Variants in ZNF385D observed in about 807,000 individuals in gnomAD.
ZNF385D encodes the protein zinc finger protein 385D, also known as zinc finger protein 659.
A neutral mutation model predicts 35.8 loss-of-function variants in ZNF385D; 15 were observed. The observed-to-expected ratio is 0.42, with a 90% CI of 0.28 to 0.64. ZNF385D has a LOEUF of 0.64. Ranked by LOEUF, ZNF385D falls within the 30% of genes least tolerant of loss-of-function variation. The probability of loss-of-function intolerance (pLI) is 0.23; values close to 1 mark genes in which losing one functional copy is unlikely to be tolerated. For synonymous variants in ZNF385D, 212 were observed against 186.8 expected (o/e 1.13, Z -1.10); for missense variants, 474 against 494.6 (o/e 0.96, Z 0.39).
chr3:21,551,921 A>G (rs1020643916), intron 3 of ZNF385D, among the ~76,000 whole-genome samples: 2 of 152,192 alleles, frequency 1.3e-5, no homozygotes, highest in African/African-American at 4.8e-5. Context: ...TTAAAAAAAT[A>G]TATAAAAGTT....
chr3:22,108,818 G>C (rs971562016), intron 3 of ZNF385D, among the ~76,000 whole-genome samples: 4 of 152,110 alleles, frequency 2.6e-5, no homozygotes, highest in African/African-American at 7.2e-5. Context: ...TTCGAGACCA[G>C]CCTGGCCAAC....
chr3:22,221,882 T>C (rs1471267571), intron 2 of ZNF385D, among the ~76,000 whole-genome samples: 1 of 152,058 alleles, frequency 6.6e-6, no homozygotes, highest in East Asian at 1.9e-4. Flanking sequence ...TATGACAGAG[T>C]AGCAGATGTG....
chr3:21,565,828 C>T (rs947925539), intron 2 of ZNF385D, among the ~76,000 whole-genome samples: 4 of 152,076 alleles, frequency 2.6e-5, no homozygotes, highest in Admixed American at 1.3e-4. Context: ...TGAGATAGAT[C>T]AGAAATTATT....
intron 1 of ZNF385D, among the ~76,000 whole-genome samples, chr3:21,672,361 T>C (rs879432072): frequency 1.3e-5 from 2 of 151,962 alleles, no homozygotes; most frequent in Non-Finnish European, 2.9e-5. Flanking sequence ...AAGCTCCTCA[T>C]TGACCTAAAG....
At chr3:21,949,151 T>C (rs1185935802) in intron 3 of ZNF385D, among the ~76,000 whole-genome samples, 2 of 152,232 alleles carry the variant, frequency 1.3e-5, no homozygotes, top group Non-Finnish European at 2.9e-5. Context: ...CTTAATTTTT[T>C]CTTGGAAACT....
intron 2 of ZNF385D, among the ~76,000 whole-genome samples, chr3:22,223,726 G>T (rs1412704240): frequency 1.3e-5 from 2 of 152,158 alleles, no homozygotes; most frequent in East Asian, 1.9e-4. Context: ...CCAACAACGT[G>T]TCAAGAGAAA....
chr3:21,890,389 C>T lies in ZNF385D; in HGVS notation c.326-225361G>A, dbSNP rs549923434. Among the ~76,000 whole-genome samples the T allele has an allele frequency of 7.2e-5, 11 of 152,136 alleles. No homozygotes were observed. In the South Asian group the frequency reaches 8.3e-4, roughly 11 times the overall value. On this transcript the variant is annotated intron_variant, in intron 3 of 5. Transcript: ENST00000494108. Reference sequence around the variant, plus strand: ...ATCCCAGCACTTTGGGAGGCCGAGGCGGGCAGATCACCTGAGGTCAGGAGT... The same window carrying T: ...ATCCCAGCACTTTGGGAGGCCGAGGTGGGCAGATCACCTGAGGTCAGGAGT...
intron 3 of ZNF385D, among the ~76,000 whole-genome samples, chr3:21,986,143 A>T (rs920613037): frequency 2.6e-5 from 2 of 77,600 alleles, no homozygotes; most frequent in African/African-American, 1.9e-4. Context: ...GATTTTTTGA[A>T]GGGTTTTTTG....
intron 3 of ZNF385D, among the ~76,000 whole-genome samples, chr3:21,902,460 C>T (rs184860068): frequency 1.3e-4 from 20 of 152,176 alleles, no homozygotes; most frequent in Non-Finnish European, 2.4e-4. Flanking sequence ...TAGGAAATAG[C>T]GGAGTATCTG....
chr3:22,129,109 T>C (rs570403077), intron 3 of ZNF385D, among the ~76,000 whole-genome samples: 1 of 152,286 alleles, frequency 6.6e-6, no homozygotes, highest in South Asian at 2.1e-4. Flanking sequence ...TTGGTGGTCT[T>C]GGGTAAGATC....
intron 3 of ZNF385D, among the ~76,000 whole-genome samples, chr3:22,070,659 A>C (rs1237636292): frequency 1.3e-5 from 2 of 152,180 alleles, no homozygotes; most frequent in Non-Finnish European, 2.9e-5. Flanking sequence ...GACATGAGAA[A>C]ATAGTAAATA....
intron 2 of ZNF385D, among the ~76,000 whole-genome samples, chr3:22,332,219 T>C (rs113832663): frequency 2.0e-5 from 3 of 152,134 alleles, no homozygotes; most frequent in African/African-American, 4.8e-5. Flanking sequence ...GCCTCTATGA[T>C]ATAAGTTCAC....
chr3:21,782,118 C>T (rs1330783832), intron 3 of ZNF385D, among the ~76,000 whole-genome samples: 1 of 152,064 alleles, frequency 6.6e-6, no homozygotes, highest in Non-Finnish European at 1.5e-5. Context: ...GCACTTTTAG[C>T]ATAATTCATT....
intron 2 of ZNF385D, among the ~76,000 whole-genome samples, chr3:21,639,645 G>T (rs1460344187): frequency 1.3e-5 from 2 of 151,858 alleles, no homozygotes; most frequent in African/African-American, 4.8e-5. Context: ...AAATTAGCCT[G>T]CCTTATACCA....
At chr3:21,699,956 C>T (rs2067617630) in intron 1 of ZNF385D, among the ~76,000 whole-genome samples, 1 of 151,506 alleles carries the variant, frequency 6.6e-6, no homozygotes, top group Non-Finnish European at 1.5e-5. Context: ...CTCGGCCTCC[C>T]AAGTAGCTGG....
At chr3:22,069,619 C>G (rs978389399) in intron 3 of ZNF385D, among the ~76,000 whole-genome samples, 1 of 152,052 alleles carries the variant, frequency 6.6e-6, no homozygotes, top group Non-Finnish European at 1.5e-5. Flanking sequence ...TTTTTGGCCT[C>G]TAAGAATAAA....
intron 3 of ZNF385D, among the ~76,000 whole-genome samples, chr3:21,937,095 G>C (rs1002278895): frequency 6.6e-6 from 1 of 152,084 alleles, no homozygotes; most frequent in African/African-American, 2.4e-5. Flanking sequence ...CACAGCTGGA[G>C]TGCTGCAAGA....
At chr3:22,102,168 G>A (rs1701973903) in intron 3 of ZNF385D, among the ~76,000 whole-genome samples, 1 of 151,942 alleles carries the variant, frequency 6.6e-6, no homozygotes, top group Non-Finnish European at 1.5e-5. Context: ...TTCCCAGGAT[G>A]ATTTCTTTCA....
chr3:22,165,365 C>G (rs1040289485), intron 3 of ZNF385D, among the ~76,000 whole-genome samples: 4 of 152,112 alleles, frequency 2.6e-5, no homozygotes, highest in African/African-American at 7.2e-5. Context: ...TTGTCAAGCA[C>G]CGGTCTGATG....
Sources: allele counts gnomAD v4.1 joint callset (sites outside exome capture counted in the v4.1 genomes callset), GRCh38; gene constraint gnomAD v4.1.1; transcripts MANE v1.5; gene names NCBI Gene and HGNC (gene_info 2026-07-23, HGNC 2026-07-21).